The following STS variants were observed in gnomAD, a reference collection of about 807,000 sequenced individuals.
STS encodes the protein steryl-sulfatase.
STS carries 7 observed loss-of-function variants against 26.8 expected under a neutral mutation model. The ratio of observed to expected loss-of-function variants is 0.26; its 90% CI spans 0.15 to 0.49. STS has a LOEUF of 0.49. Ranked by LOEUF, STS falls within the 20% of genes least tolerant of loss-of-function variation. STS has a pLI of 0.98. For synonymous variants in STS, 199 were observed against 189.4 expected, an observed-to-expected ratio of 1.05 and a Z score of -0.42; for missense variants, 434 against 465.6, an observed-to-expected ratio of 0.93 and a Z score of 0.63.
chrX:7,159,872 C>T (rs1432924332), intron 1 of STS, among the ~76,000 whole-genome samples: 1 of 111,779 alleles, frequency 8.9e-6, no homozygotes, highest in Non-Finnish European at 1.9e-5. Context: ...GACTTTATTG[C>T]CAATGATGCT....
intron 9 of STS, among the ~76,000 whole-genome samples, chrX:7,332,347 T>C (rs1340975352): frequency 8.9e-5 from 9 of 101,671 alleles, no homozygotes; most frequent in Non-Finnish European, 1.4e-4. Flanking sequence ...AAAAAAAAAA[T>C]CGAAAAATAC....
intron 3 of STS, among the ~76,000 whole-genome samples, chrX:7,255,639 T>G (rs191784916): frequency 1.8e-5 from 2 of 112,230 alleles, no homozygotes; most frequent in East Asian, 5.6e-4. Flanking sequence ...ACATTTTTCA[T>G]TTTTATATTT....
intron 1 of STS, among the ~76,000 whole-genome samples, chrX:7,158,986 T>C (rs758017334): frequency 3.6e-5 from 4 of 111,909 alleles, no homozygotes; most frequent in African/African-American, 9.7e-5. Context: ...TTAGTTATTA[T>C]TAAGACTAGA....
intron 2 of STS, among the ~76,000 whole-genome samples, chrX:7,210,606 T>C (rs1369082705): frequency 2.8e-5 from 3 of 107,354 alleles, no homozygotes; most frequent in East Asian, 5.6e-4. Context: ...TGAATAAATA[T>C]TTTTATATTA....
At chrX:7,247,894 G>A (rs1423615817) in intron 2 of STS, among the ~76,000 whole-genome samples, 5 of 112,028 alleles carry the variant, frequency 4.5e-5, no homozygotes, top group African/African-American at 1.6e-4. Context: ...TTCATGACCT[G>A]TAATGGAACC....
At chrX:7,261,015 C>A (rs1923718922) in intron 6 of STS, among the ~76,000 whole-genome samples, 1 of 110,188 alleles carries the variant, frequency 9.1e-6, no homozygotes, top group Non-Finnish European at 1.9e-5. Context: ...TAATATATAT[C>A]TATATTATAA....
At chrX:7,284,024 A>G (rs2147116275) in intron 7 of STS, among the ~76,000 whole-genome samples, 1 of 111,307 alleles carries the variant, frequency 9.0e-6, no homozygotes, top group Admixed American at 9.5e-5. Context: ...TGCACCAGCA[A>G]AGATGCCATG....
At chrX:7,313,961 G>A (rs1926594364) in intron 8 of STS, among the ~76,000 whole-genome samples, 1 of 111,944 alleles carries the variant, frequency 8.9e-6, no homozygotes, top group South Asian at 3.7e-4. Context: ...TTTGCAGGTT[G>A]ACGTTTTGCA....
intron 3 of STS, among the ~76,000 whole-genome samples, chrX:7,254,560 TTTCTTTTTTTCTTC>T (rs1923304244): frequency 9.2e-6 from 1 of 108,529 alleles, no homozygotes; most frequent in Non-Finnish European, 1.9e-5. Context: ...AACTTTCTTT[TTTCTTTTTTTCTTC>T]TTCTTTTTTT....
chrX:7,221,780 G>A (rs1283067727), intron 2 of STS, among the ~76,000 whole-genome samples: 1 of 111,908 alleles, frequency 8.9e-6, no homozygotes, highest in African/African-American at 3.2e-5. Flanking sequence ...AACCATGTGC[G>A]CCTCTAGGCA....
At chrX:7,344,503 T>G (rs1385851366) in intron 10 of STS, among the ~76,000 whole-genome samples, 10 of 111,226 alleles carry the variant, frequency 9.0e-5, no homozygotes, top group African/African-American at 3.3e-4. Context: ...GGGACCACCC[T>G]GACAGAGGCC....
At chrX:7,244,252 GAGA>G (rs1922758708) in intron 2 of STS, among the ~76,000 whole-genome samples, 1 of 112,208 alleles carries the variant, frequency 8.9e-6, no homozygotes, top group Admixed American at 9.4e-5. Context: ...TAGAAGGCAT[GAGA>G]AGAAGGAATG....
At chrX:7,254,996 CT>C (rs1366235195) in intron 3 of STS, among the ~76,000 whole-genome samples, 40 of 112,326 alleles carry the variant, frequency 3.6e-4, no homozygotes, top group African/African-American at 1.2e-3. Context: ...TCCTCATCTT[CT>C]TTTTAACATG....
intron 1 of STS, among the ~76,000 whole-genome samples, chrX:7,182,332 T>G (rs1171135783): frequency 1.8e-5 from 2 of 109,691 alleles, no homozygotes; most frequent in South Asian, 3.9e-4. Flanking sequence ...GGTGCTGGCT[T>G]CTTCTTGAGC....
intron 5 of STS, 95 bp downstream of exon 5, chrX:7,257,683 G>A: frequency 9.2e-7 from 1 of 1,089,406 alleles, no homozygotes; most frequent in South Asian, 1.8e-5. Flanking sequence ...AGGACATCAT[G>A]ACAGTTATCT....
intron 7 of STS, among the ~76,000 whole-genome samples, chrX:7,298,684 CAG>C (rs1405731642): frequency 9.1e-6 from 1 of 110,440 alleles, no homozygotes; most frequent in African/African-American, 3.3e-5. Context: ...ATATGGCCAG[CAG>C]AGAGTCGTAG....
At chrX:7,285,052 A>G (rs1243959789) in intron 7 of STS, among the ~76,000 whole-genome samples, 1 of 110,634 alleles carries the variant, frequency 9.0e-6, no homozygotes, top group Non-Finnish European at 1.9e-5. Flanking sequence ...TTATGATGAT[A>G]GTGATGATGG....
intron 7 of STS, among the ~76,000 whole-genome samples, chrX:7,277,267 C>T (rs755796476): frequency 1.2e-4 from 13 of 111,953 alleles, no homozygotes; most frequent in African/African-American, 3.9e-4. Context: ...TATTTGTTTC[C>T]TTTTACTTTT....
chrX:7,279,538 G>T (rs1601709492), intron 7 of STS, among the ~76,000 whole-genome samples: 1 of 107,143 alleles, frequency 9.3e-6, no homozygotes, highest in East Asian at 2.9e-4. Context: ...GAGAATTATT[G>T]GATACAGGAA....
Sources: gnomAD v4.1 joint callset for allele counts (sites outside exome capture counted in the v4.1 genomes callset) on GRCh38, gnomAD v4.1.1 for gene constraint, MANE v1.5 for transcripts, NCBI Gene and HGNC (gene_info 2026-07-23, HGNC 2026-07-21) for gene names.